The following NOP14 variants were observed in gnomAD, a reference collection of about 807,000 sequenced individuals.
NOP14 encodes the protein nucleolar protein 14.
NOP14 carries 57 observed loss-of-function variants against 101.6 expected under a neutral mutation model. That is an observed-to-expected ratio of 0.56 (90% CI 0.45 to 0.70). NOP14 has a LOEUF of 0.70. Among genes scored for constraint, NOP14 ranks in the 30% least tolerant of loss-of-function variants. The pLI is 0.00. For synonymous variants in NOP14, 428 were observed against 424.0 expected (o/e 1.01, Z -0.12); for missense variants, 1,134 against 1,075.5 (o/e 1.05, Z -0.76).
In NOP14 at chr4:2,963,268, C is replaced by G. The variant is rs906177958; in HGVS notation, c.52G>C (p.Ala18Pro). The change falls in exon 1 of 18, where the codon GCG (alanine) becomes CCG (proline). Residue 18 changes from alanine to proline, a missense_variant. Coordinates refer to ENST00000416614, the MANE Select transcript of NOP14 (RefSeq NM_001291978.2). The part of the protein sequence containing the change: ...GARRKASGAP[A>P]GARGGPAKAN... ...TTCGCCGGGCCCCCTCGCGCTCCCGCCGGCGCCCCGGAGGCCTTCCTTCGC... is the reference window on the plus strand; with the variant it reads ...TTCGCCGGGCCCCCTCGCGCTCCCGGCGGCGCCCCGGAGGCCTTCCTTCGC... 1 of 1,591,374 alleles carries G rather than the reference C, an allele frequency of 6.3e-7. No homozygotes were observed. The highest frequency in any genetic ancestry group is 1.4e-5 in the African/African-American group (1 of 72,132).
At position 2,963,297 on chromosome 4, in the gene NOP14, C is replaced by T. The variant is rs777511508; in HGVS notation, c.23G>A (p.Gly8Glu). The change falls in exon 1 of 18, where the codon GGG becomes GAG. Residue 8 changes from glycine (G) to glutamate (E), a missense_variant. Physicochemically the swap from Gly to Glu is moderately conservative, Grantham distance 98. Coordinates refer to ENST00000416614, the MANE Select transcript of NOP14 (RefSeq NM_001291978.2). MAKAKKVGARRKASGAPA... is the reference protein window; with the variant it reads MAKAKKVEARRKASGAPA... Reference sequence around the variant, plus strand: ...CGCCCCGGAGGCCTTCCTTCGCGCCCCGACCTTCTTCGCCTTCGCCATGGC... The same window carrying T: ...CGCCCCGGAGGCCTTCCTTCGCGCCTCGACCTTCTTCGCCTTCGCCATGGC... 2 of 1,593,706 alleles carry T rather than the reference C, an allele frequency of 1.3e-6. No homozygotes were observed. Among genetic ancestry groups the T allele is most frequent in the Non-Finnish European group, 1.7e-6 (2 of 1,172,944 alleles).
rs768154236 is a variant in NOP14, at chr4:2,942,340, C to T, written c.1903G>A (p.Val635Met). The change falls in exon 14 of 18, where the codon GTG (valine) becomes ATG (methionine). Residue 635 changes from valine (V) to methionine (M), a missense_variant. Coordinates refer to ENST00000416614, the MANE Select transcript of NOP14 (RefSeq NM_001291978.2). ...TTCCCAAGCGCTCTGAAAGGGTGCA[C>T]CAGAGTGGAACCTGAATTCCAAGTG... ...PNKASQGSTL[V>M]HPFRALGKNS... 3.1e-6 allele frequency: 5 copies of T among 1,613,632 alleles called. No homozygotes were observed. Among genetic ancestry groups the T allele is most frequent in the South Asian group, 1.1e-5 (1 of 91,046 alleles).
chr4:2,938,269 A>T lies in NOP14; in HGVS notation c.*562T>A, dbSNP rs1189396762. The T allele has an allele frequency of 3.9e-6, 5 of 1,272,476 alleles. No homozygotes were observed. In the Admixed American group the frequency reaches 1.2e-4, roughly 29 times the overall value. 78.8% of individuals were successfully genotyped at this position (1,272,476 alleles called of 1,614,324 possible). A position where few individuals can be genotyped will look rare whatever the true frequency, so the allele number is the denominator to read the frequency against. On this transcript the variant is annotated 3_prime_UTR_variant, in exon 18 of 18. Transcript: ENST00000416614. The stretch of plus-strand genomic sequence containing the variant: ...TTTTTGGCTGGGTGCTGTGGCTCAC[A>T]CCTATAATTGGGGGGCCAAGGCAGG...
chr4:2,938,075 G>A lies in NOP14; in HGVS notation c.*756C>T, dbSNP rs183430079. ...CTTGTCCAGACGCAGTGAACCAGTC[G>A]CAGCTGATAACACACAGACCATTCC... On this transcript the variant is annotated 3_prime_UTR_variant, in exon 18 of 18. Transcript: ENST00000416614. 898 of 647,344 alleles carry A rather than the reference G, an allele frequency of 1.4e-3. 4 individuals are homozygous for A. Among genetic ancestry groups the A allele is most frequent in the Middle Eastern group, 3.6e-3 (11 of 3,070 alleles). The allele number at this position is 647,344 out of a possible 1,614,324, so 40.1% of individuals were successfully genotyped here.
rs1353956548 is a variant in NOP14, at chr4:2,942,239, C to T, written c.2004G>A (p.Trp668Ter). The part of the protein sequence containing the change: ...TWQQSSLSLR[W>*]ASRLRAPTST... ...AAGTTGGGGCCCTCAGTCTACTCGC[C>T]CAGCGGAGGGAGAGGCTGCTCTGCT... Residue 668 changes from tryptophan (W) to a stop codon, truncating the protein, a stop_gained, in exon 14 of 18, where the codon TGG (tryptophan) becomes TGA (stop). Coordinates refer to ENST00000416614, the MANE Select transcript of NOP14 (RefSeq NM_001291978.2). LOFTEE classifies it high-confidence loss of function. 3 of 1,614,060 alleles carry T rather than the reference C, an allele frequency of 1.9e-6. No individual in the cohort carries two copies. The highest frequency in any genetic ancestry group is 2.5e-6 in the Non-Finnish European group (3 of 1,180,038).
chr4:2,939,059 C>G, intron 17 of NOP14, 129 bp from the exon 18 acceptor site: 2 of 1,502,352 alleles, frequency 1.3e-6, no homozygotes, highest in Admixed American at 1.7e-5. Context: ...GGAAGTGAAC[C>G]TGCCTGGCTC....
rs182522724 is a variant in NOP14 at position 2,941,096 on chromosome 4, G to C, written c.2199+486C>G. 784 of 154,332 alleles carry C rather than the reference G, an allele frequency of 5.1e-3. 5 individuals are homozygous for C. The highest frequency in any genetic ancestry group is 6.3e-3 in the Middle Eastern group (2 of 318). The allele number at this position is 154,332 out of a possible 1,614,324, so 9.6% of individuals were successfully genotyped here. On this transcript the variant is annotated intron_variant, in intron 15 of 17. Coordinates refer to ENST00000416614, the MANE Select transcript of NOP14 (RefSeq NM_001291978.2). Reference sequence around the variant, plus strand: ...CCTGTCAGGGTCAGGGTGAAAGGCAGGGAGGCGGGTAGGCCATAGGTGAAT... The same window carrying C: ...CCTGTCAGGGTCAGGGTGAAAGGCACGGAGGCGGGTAGGCCATAGGTGAAT...
At position 2,963,348 on chromosome 4, in the gene NOP14, C is replaced by A. The variant is rs371278587; in HGVS notation, c.-29G>T. On this transcript the variant is annotated 5_prime_UTR_variant, in exon 1 of 18. Transcript: ENST00000416614. ...GCGCGCCCCGCTGCGCCCAAGGGCCCGAGACCCGAAGAGAGACAGGCGCGC... is the reference window on the plus strand; with the variant it reads ...GCGCGCCCCGCTGCGCCCAAGGGCCAGAGACCCGAAGAGAGACAGGCGCGC... 6.5e-4 allele frequency: 997 copies of A among 1,532,186 alleles called. 3 individuals are homozygous for A. Among genetic ancestry groups the A allele is most frequent in the Middle Eastern group, 5.0e-3 (29 of 5,842 alleles). The allele number at this position is 1,532,186 out of a possible 1,614,324, so 94.9% of individuals were successfully genotyped here.
intron 13 of NOP14, 103 bp downstream of exon 13, chr4:2,943,970 C>T (rs1371621526): frequency 3.2e-6 from 3 of 936,438 alleles, no homozygotes; most frequent in Admixed American, 5.1e-5. Flanking sequence ...TTGTGTGTTT[C>T]CTCTACTTTC....
chr4:2,962,045 G>A (rs1715999694), intron 1 of NOP14, among the ~76,000 whole-genome samples: 1 of 152,212 alleles, frequency 6.6e-6, no homozygotes, highest in Non-Finnish European at 1.5e-5. Flanking sequence ...AAGAGGCGAA[G>A]CAAGGACAAC....
rs1226172807 is a variant in NOP14 at position 2,946,880 on chromosome 4, T to C, written c.1500-333A>G. The C allele has an allele frequency of 2.2e-5, 7 of 324,204 alleles. 1 individual carries two copies. The highest frequency in any genetic ancestry group is 6.2e-5 in the South Asian group (2 of 32,080). 20.1% of individuals were successfully genotyped at this position (324,204 alleles called of 1,614,324 possible). ...ATTTATTCCTCACGACAGGTACTTC[T>C]TTGATAGTGCCTCCATGCATGCAGA... is the stretch of plus-strand genomic sequence containing the variant. On this transcript the variant is annotated intron_variant, in intron 10 of 17. Transcript: ENST00000416614.
chr4:2,962,473 C>T (rs566926292), intron 1 of NOP14, among the ~76,000 whole-genome samples: 2 of 152,184 alleles, frequency 1.3e-5, no homozygotes, highest in Admixed American at 6.5e-5. Flanking sequence ...TCTTATTTAC[C>T]TTTATCTCCC....
chr4:2,938,102 G>C lies in NOP14; in HGVS notation c.*729C>G. The C allele has an allele frequency of 3.1e-6, 3 of 955,498 alleles. No homozygotes were observed. Among genetic ancestry groups the C allele is most frequent in the Non-Finnish European group, 4.3e-6 (3 of 704,646 alleles). The allele number at this position is 955,498 out of a possible 1,614,324, so 59.2% of individuals were successfully genotyped here. ...AGCTGATAACACACAGACCATTCCC[G>C]ATCCCAGAGGTGCATTTCAGGATTC... On this transcript the variant is annotated 3_prime_UTR_variant, in exon 18 of 18. Coordinates refer to ENST00000416614, the MANE Select transcript of NOP14 (RefSeq NM_001291978.2).
intron 14 of NOP14, 153 bp downstream of exon 14, chr4:2,942,039 C>G: frequency 1.4e-6 from 1 of 724,510 alleles, no homozygotes; most frequent in Non-Finnish European, 2.3e-6. Flanking sequence ...GGACAGCAAG[C>G]CAACATGCCT....
chr4:2,939,061 G>A, intron 17 of NOP14, 127 bp downstream of exon 17: 1 of 1,503,038 alleles, frequency 6.7e-7, no homozygotes. Flanking sequence ...AAGTGAACCT[G>A]CCTGGCTCCA....
intron 10 of NOP14, 80 bp from the exon 11 acceptor site, chr4:2,946,627 T>A: frequency 7.5e-7 from 1 of 1,330,544 alleles, no homozygotes; most frequent in Non-Finnish European, 1.1e-6. Context: ...CACTTTCCTA[T>A]GCAGTCACCT....
intron 10 of NOP14, chr4:2,946,887 G>A (rs1270437822): frequency 6.4e-6 from 2 of 311,218 alleles, no homozygotes; most frequent in African/African-American, 4.4e-5. Flanking sequence ...TTCTTTGATA[G>A]TGCCTCCATG....
At chr4:2,944,991 C>T (rs1327682505) in intron 12 of NOP14, 137 bp downstream of exon 12, 1 of 614,414 alleles carries the variant, frequency 1.6e-6, no homozygotes, top group Non-Finnish European at 2.8e-6. Flanking sequence ...GATGGGCCCT[C>T]TTTGGCCTAA....
intron 5 of NOP14, among the ~76,000 whole-genome samples, chr4:2,953,183 G>C (rs1279643343): frequency 2.6e-5 from 4 of 152,204 alleles, no homozygotes; most frequent in African/African-American, 9.7e-5. Context: ...ATAAGTAAAT[G>C]TATATTAAAT....
Sources: allele counts gnomAD v4.1 joint callset (sites outside exome capture counted in the v4.1 genomes callset), GRCh38; gene constraint gnomAD v4.1.1; transcripts MANE v1.5; gene names NCBI Gene and HGNC (gene_info 2026-07-23, HGNC 2026-07-21).